SOBP: variants seen among roughly 807,000 people sequenced by gnomAD.
SOBP encodes sine oculis-binding protein homolog.
Under a neutral mutation model 53.6 loss-of-function variants are expected in SOBP, and 4 were observed. The ratio of observed to expected loss-of-function variants is 0.07; its 90% CI spans 0.04 to 0.17. SOBP has a LOEUF of 0.17. Ranked by LOEUF, SOBP falls within the 10% of genes least tolerant of loss-of-function variation. The probability of loss-of-function intolerance (pLI) is 1.00; values close to 1 mark genes in which losing one functional copy is unlikely to be tolerated. For synonymous variants in SOBP, 584 were observed against 522.6 expected (o/e 1.12, Z -1.60); for missense variants, 1,088 against 1,204.7 (o/e 0.90, Z 1.43).
At chr6:107,548,733 TC>T (rs1451781248) in intron 4 of SOBP, among the ~76,000 whole-genome samples, 1 of 151,510 alleles carries the variant, frequency 6.6e-6, no homozygotes, top group Non-Finnish European at 1.5e-5. Flanking sequence ...GGCCAGGAGT[TC>T]GTGACCAGCC....
At chr6:107,562,540 A>G (rs1170330810) in intron 4 of SOBP, among the ~76,000 whole-genome samples, 8 of 152,240 alleles carry the variant, frequency 5.3e-5, no homozygotes, top group Non-Finnish European at 2.9e-5. Flanking sequence ...TTGTATGCCA[A>G]TTGGCATAAT....
intron 5 of SOBP, among the ~76,000 whole-genome samples, chr6:107,600,750 A>T (rs1170629691): frequency 6.6e-6 from 1 of 152,142 alleles, no homozygotes; most frequent in Admixed American, 6.5e-5. Flanking sequence ...AGAGAACTTT[A>T]TGCAAGTGCC....
At chr6:107,546,701 C>T (rs186459454) in intron 4 of SOBP, among the ~76,000 whole-genome samples, 2 of 152,262 alleles carry the variant, frequency 1.3e-5, no homozygotes, top group East Asian at 3.9e-4. Context: ...TGAGGAGGCT[C>T]CTTTGAGAAA....
At chr6:107,592,589 G>C (rs1417798697) in intron 5 of SOBP, among the ~76,000 whole-genome samples, 1 of 152,110 alleles carries the variant, frequency 6.6e-6, no homozygotes, top group Non-Finnish European at 1.5e-5. Flanking sequence ...AGCAACACAG[G>C]CACTGAAAAT....
In SOBP at chr6:107,547,045, G is replaced by A. The variant is rs535588523; in HGVS notation, c.573+13435G>A. ...ACTTGGTAATACTGATGGCTTATTT[G>A]GCAGTAGATGACAGGAAGGAGGTAG... On this transcript the variant is annotated intron_variant, in intron 4 of 6. Coordinates refer to ENST00000317357, the MANE Select transcript of SOBP (RefSeq NM_018013.4). Among the ~76,000 whole-genome samples the A allele has an allele frequency of 9.9e-5, 15 of 152,228 alleles. No homozygotes were observed. In the East Asian group the frequency reaches 2.7e-3, roughly 27 times the overall value.
chr6:107,522,799 C>T (rs1783552682), intron 3 of SOBP, among the ~76,000 whole-genome samples: 1 of 151,930 alleles, frequency 6.6e-6, no homozygotes, highest in South Asian at 2.1e-4. Flanking sequence ...ATGCTTTGGC[C>T]CCAGAAAGTG....
At chr6:107,649,928 A>G (rs1035200163) in intron 6 of SOBP, among the ~76,000 whole-genome samples, 5 of 152,282 alleles carry the variant, frequency 3.3e-5, no homozygotes, top group South Asian at 2.1e-4. Flanking sequence ...AGAAATAGCA[A>G]TGACCACTTA....
chr6:107,626,573 A>T lies in SOBP; in HGVS notation c.670-6941A>T, dbSNP rs530302394. 3.0e-4 allele frequency among the ~76,000 whole-genome samples: 46 copies of T among 152,356 alleles called. 1 individual carries two copies. The South Asian group carries it at 5.4e-3, about 18-fold the overall frequency. On this transcript the variant is annotated intron_variant, in intron 5 of 6. Coordinates refer to ENST00000317357, the MANE Select transcript of SOBP (RefSeq NM_018013.4). ...AGGAGCTTCATTTTACTCATGTCCC[A>T]GGTTCCTAGCACAGCACCTCACCCA...
chr6:107,490,733 C>T (rs761342894), intron 1 of SOBP, 21 bp downstream of exon 1: 56 of 1,541,658 alleles, frequency 3.6e-5, no homozygotes, highest in Non-Finnish European at 4.7e-5. Flanking sequence ...ATCTCGGGGG[C>T]CAGGGAGACT....
intron 6 of SOBP, among the ~76,000 whole-genome samples, chr6:107,642,268 A>T (rs953992649): frequency 7.9e-5 from 12 of 152,134 alleles, no homozygotes; most frequent in Non-Finnish European, 1.6e-4. Context: ...GGGTGGGGTC[A>T]GGATTGGGAA....
chr6:107,601,883 T>C (rs1786189955), intron 5 of SOBP, among the ~76,000 whole-genome samples: 1 of 152,232 alleles, frequency 6.6e-6, no homozygotes, highest in African/African-American at 2.4e-5. Flanking sequence ...CAAAGACATA[T>C]TCATTTAATG....
chr6:107,513,397 C>A (rs1783227351), intron 3 of SOBP, among the ~76,000 whole-genome samples: 2 of 152,164 alleles, frequency 1.3e-5, no homozygotes, highest in Admixed American at 6.5e-5. Flanking sequence ...GATCTGCTAA[C>A]CTCTATGTAT....
intron 6 of SOBP, among the ~76,000 whole-genome samples, chr6:107,647,378 C>G (rs61167453): frequency 0.019 from 2,915 of 152,264 alleles, 83 homozygotes; most frequent in African/African-American, 0.053. Context: ...TGCAAAACCA[C>G]TGTCCATGGC....
At chr6:107,601,164 A>T (rs1434585622) in intron 5 of SOBP, among the ~76,000 whole-genome samples, 1 of 152,178 alleles carries the variant, frequency 6.6e-6, no homozygotes. Flanking sequence ...GCATTGGCTC[A>T]GTTGAGTTCC....
At position 107,635,598 on chromosome 6, in the gene SOBP, G is replaced by A; in HGVS notation, c.*3+129G>A. ...GTGTGTTTTATATTGCACACGGTGT[G>A]GTCACGCTATCAACATTCTGAGCCA... On this transcript the variant is annotated intron_variant, in intron 6 of 6. Transcript: ENST00000317357. The surrounding 1 kb of genome is among the most constrained non-coding windows in gnomAD (Gnocchi z 4.5). The A allele has an allele frequency of 7.9e-7, 1 of 1,271,084 alleles. No homozygotes were observed. Among genetic ancestry groups the A allele is most frequent in the Non-Finnish European group, 1.1e-6 (1 of 900,154 alleles). 78.7% of individuals were successfully genotyped at this position (1,271,084 alleles called of 1,614,324 possible). A position where few individuals can be genotyped will look rare whatever the true frequency, so the allele number is the denominator to read the frequency against.
At chr6:107,601,439 T>C (rs1738344453) in intron 5 of SOBP, among the ~76,000 whole-genome samples, 2 of 152,280 alleles carry the variant, frequency 1.3e-5, no homozygotes, top group African/African-American at 4.8e-5. Flanking sequence ...TATCAAATAT[T>C]GTAGCAAGAC....
rs750131195 is a variant in SOBP at position 107,635,485 on chromosome 6, G to T, written c.*3+16G>T. On this transcript the variant is annotated intron_variant, in intron 6 of 6. Coordinates refer to ENST00000317357, the MANE Select transcript of SOBP (RefSeq NM_018013.4). The surrounding 1 kb of genome is among the most constrained non-coding windows in gnomAD (Gnocchi z 4.5). ...TAAGTAAAAGGTTTGTATGTCCGCCGGGCGCTCCTCCACACCAGCCAGTGC... is the reference window on the plus strand; with the variant it reads ...TAAGTAAAAGGTTTGTATGTCCGCCTGGCGCTCCTCCACACCAGCCAGTGC... 4 of 1,611,488 alleles carry T rather than the reference G, an allele frequency of 2.5e-6. No individual in the cohort carries two copies. In the East Asian group the frequency reaches 8.9e-5, roughly 36 times the overall value.
intron 4 of SOBP, among the ~76,000 whole-genome samples, chr6:107,579,660 C>A (rs1211860150): frequency 3.9e-5 from 6 of 152,184 alleles, no homozygotes; most frequent in African/African-American, 1.4e-4. Flanking sequence ...GCCTCACATG[C>A]GTGCGGCTCT....
intron 5 of SOBP, among the ~76,000 whole-genome samples, chr6:107,597,781 A>G (rs1785999703): frequency 6.6e-6 from 1 of 152,230 alleles, no homozygotes; most frequent in South Asian, 2.1e-4. Context: ...GCCGGTCTTG[A>G]TAATTCAAAC....
Sources: allele counts gnomAD v4.1 joint callset (sites outside exome capture counted in the v4.1 genomes callset), GRCh38; gene constraint gnomAD v4.1.1; non-coding constraint Gnocchi (gnomAD v3.1); transcripts MANE v1.5; gene names NCBI Gene and HGNC (gene_info 2026-07-23, HGNC 2026-07-21).